Variants in SPIRE1 observed in about 807,000 individuals in gnomAD.
SPIRE1 encodes spire type actin nucleation factor 1, also known as protein spire homolog 1.
Under a neutral mutation model 94.1 loss-of-function variants are expected in SPIRE1, and 40 were observed. The ratio of observed to expected loss-of-function variants is 0.43; its 90% CI spans 0.33 to 0.55. The LOEUF is 0.55. Among genes scored for constraint, SPIRE1 ranks in the 20% least tolerant of loss-of-function variants. SPIRE1 has a pLI of 0.06. For synonymous variants in SPIRE1, 376 were observed against 371.7 expected (o/e 1.01, Z -0.13); for missense variants, 838 against 975.2 (o/e 0.86, Z 1.87).
chr18:12,584,617 T>G (rs906462738), intron 2 of SPIRE1, among the ~76,000 whole-genome samples: 1 of 151,838 alleles, frequency 6.6e-6, no homozygotes, highest in Non-Finnish European at 1.5e-5. Flanking sequence ...ATAGTCACAA[T>G]AGGAAAATTA....
chr18:12,626,885 TA>T (rs1281409813), intron 2 of SPIRE1, among the ~76,000 whole-genome samples: 128 of 55,040 alleles, frequency 2.3e-3, no homozygotes, highest in African/African-American at 6.3e-3. Context: ...TATATATATA[TA>T]TTTTTTTTTT....
At chr18:12,466,679 G>A (rs1192699482) in intron 10 of SPIRE1, among the ~76,000 whole-genome samples, 1 of 152,094 alleles carries the variant, frequency 6.6e-6, no homozygotes, top group Non-Finnish European at 1.5e-5. Context: ...TAGCTAAAAT[G>A]ACTTAAATTT....
At chr18:12,654,649 C>T (rs2038484351) in intron 1 of SPIRE1, among the ~76,000 whole-genome samples, 2 of 151,064 alleles carry the variant, frequency 1.3e-5, no homozygotes, top group Admixed American at 6.6e-5. Flanking sequence ...AGCGAGACTC[C>T]GTCTCAAAAA....
intron 12 of SPIRE1, among the ~76,000 whole-genome samples, chr18:12,460,644 G>A (rs1398621357): frequency 6.6e-6 from 1 of 152,032 alleles, no homozygotes; most frequent in African/African-American, 2.4e-5. Context: ...TCCGGGAGGC[G>A]GAGGTTGTGG....
chr18:12,532,052 T>C (rs1438984351), intron 4 of SPIRE1, among the ~76,000 whole-genome samples: 3 of 152,180 alleles, frequency 2.0e-5, no homozygotes, highest in Non-Finnish European at 4.4e-5. Flanking sequence ...GACACAGTAA[T>C]GTGTACTTAT....
chr18:12,481,284 C>G (rs2032832354), intron 9 of SPIRE1, among the ~76,000 whole-genome samples: 1 of 128,830 alleles, frequency 7.8e-6, no homozygotes, highest in Non-Finnish European at 1.6e-5. Flanking sequence ...CAACCCCCGC[C>G]CCCCGCAAGA....
rs4998303 is a variant in SPIRE1 at position 12,461,557 on chromosome 18, G to A, written c.1638+1794C>T. 9.3e-3 allele frequency among the ~76,000 whole-genome samples: 1,154 copies of A among 124,596 alleles called. 66 individuals are homozygous for A. Among genetic ancestry groups the A allele is most frequent in the African/African-American group, 0.036 (1,082 of 30,352 alleles). 81.7% of individuals were successfully genotyped at this position (124,596 alleles called of 152,430 possible). Reference sequence around the variant, plus strand: ...TACGTACATATGTATATACATACATGCGTGTATATGTATGTACATACATAT... The same window carrying A: ...TACGTACATATGTATATACATACATACGTGTATATGTATGTACATACATAT... On this transcript the variant is annotated intron_variant, in intron 12 of 16. Coordinates refer to ENST00000409402, the MANE Select transcript of SPIRE1 (RefSeq NM_001128626.2).
At chr18:12,600,454 C>T (rs1266911398) in intron 2 of SPIRE1, among the ~76,000 whole-genome samples, 1 of 152,214 alleles carries the variant, frequency 6.6e-6, no homozygotes, top group Non-Finnish European at 1.5e-5. Flanking sequence ...AGGTATTTAA[C>T]AGTGAACTCT....
At chr18:12,507,278 C>A (rs1322361654) in intron 5 of SPIRE1, among the ~76,000 whole-genome samples, 7 of 152,156 alleles carry the variant, frequency 4.6e-5, no homozygotes, top group Non-Finnish European at 5.9e-5. Flanking sequence ...AGGCCACTTG[C>A]CAGCTATTTG....
At chr18:12,510,021 G>T (rs998081192) in intron 5 of SPIRE1, among the ~76,000 whole-genome samples, 1 of 151,412 alleles carries the variant, frequency 6.6e-6, no homozygotes, top group African/African-American at 2.4e-5. Flanking sequence ...GGAGGCGGAG[G>T]TTGCAGTGAG....
At chr18:12,599,642 C>T (rs185582879) in intron 2 of SPIRE1, among the ~76,000 whole-genome samples, 69 of 152,304 alleles carry the variant, frequency 4.5e-4, no homozygotes, top group African/African-American at 1.6e-3. Flanking sequence ...AGGTCAGGTA[C>T]ATGGTTCCTC....
intron 2 of SPIRE1, among the ~76,000 whole-genome samples, chr18:12,621,928 C>T (rs2144744320): frequency 6.6e-6 from 1 of 152,226 alleles, no homozygotes. Context: ...TCTAATTTTG[C>T]TGATAATGGG....
At chr18:12,606,741 G>C (rs1478862869) in intron 2 of SPIRE1, among the ~76,000 whole-genome samples, 2 of 152,080 alleles carry the variant, frequency 1.3e-5, no homozygotes, top group African/African-American at 4.8e-5. Flanking sequence ...ATGTTGGCCA[G>C]GCTGCTCTCA....
At chr18:12,513,684 T>C (rs967761648) in intron 4 of SPIRE1, among the ~76,000 whole-genome samples, 3 of 151,940 alleles carry the variant, frequency 2.0e-5, no homozygotes, top group African/African-American at 7.3e-5. Flanking sequence ...CCACCACGCC[T>C]GGCTAATTTT....
intron 4 of SPIRE1, among the ~76,000 whole-genome samples, chr18:12,525,530 TTGC>T (rs2034496222): frequency 6.6e-6 from 1 of 151,970 alleles, no homozygotes; most frequent in African/African-American, 2.4e-5. Flanking sequence ...TTCTTTTCTC[TTGC>T]TGCTTTTAGA....
At chr18:12,543,036 C>G (rs1046470424) in intron 3 of SPIRE1, among the ~76,000 whole-genome samples, 1 of 152,108 alleles carries the variant, frequency 6.6e-6, no homozygotes, top group Non-Finnish European at 1.5e-5. Flanking sequence ...CTATGTTGGC[C>G]AGGCTGGTCG....
At position 12,592,645 on chromosome 18, in the gene SPIRE1, G is replaced by C. The variant is rs191564191; in HGVS notation, c.372+42417C>G. Reference sequence around the variant, plus strand: ...AGGAGTTCCAGTTAATAATATTCTTGCAAAGCCTGTCTCTATCTTAATATA... The same window carrying C: ...AGGAGTTCCAGTTAATAATATTCTTCCAAAGCCTGTCTCTATCTTAATATA... On this transcript the variant is annotated intron_variant, in intron 2 of 16. Transcript: ENST00000409402. 9.2e-5 allele frequency among the ~76,000 whole-genome samples: 14 copies of C among 152,246 alleles called. 1 individual carries two copies. The highest frequency in any genetic ancestry group is 3.1e-4 in the African/African-American group (13 of 41,544).
chr18:12,647,680 G>C (rs534236002), intron 1 of SPIRE1, among the ~76,000 whole-genome samples: 1 of 152,174 alleles, frequency 6.6e-6, no homozygotes, highest in African/African-American at 2.4e-5. Context: ...CCTGTACCCA[G>C]AAGTTCAAAG....
chr18:12,616,550 T>C (rs911183479), intron 2 of SPIRE1, among the ~76,000 whole-genome samples: 1 of 152,230 alleles, frequency 6.6e-6, no homozygotes, highest in African/African-American at 2.4e-5. Flanking sequence ...AAGGGAATTT[T>C]GATAATTTTA....
Sources: allele counts gnomAD v4.1 joint callset (sites outside exome capture counted in the v4.1 genomes callset), GRCh38; gene constraint gnomAD v4.1.1; transcripts MANE v1.5; gene names NCBI Gene and HGNC (gene_info 2026-07-23, HGNC 2026-07-21).